Variants in SP140L observed in about 807,000 individuals in gnomAD.
SP140L encodes the protein SP140 like nuclear body protein, also known as nuclear body protein SP140-like protein.
A neutral mutation model predicts 84.3 loss-of-function variants in SP140L; 64 were observed. The observed-to-expected ratio is 0.76, with a 90% CI of 0.62 to 0.94. SP140L has a LOEUF of 0.94. Among genes scored for constraint, SP140L ranks in the 40% least tolerant of loss-of-function variants. SP140L has a pLI of 0.00. For missense variants in SP140L, 628 were observed against 692.5 expected, an observed-to-expected ratio of 0.91 and a Z score of 1.05; for synonymous variants, 242 against 236.9, an observed-to-expected ratio of 1.02 and a Z score of -0.20.
At position 230,384,780 on chromosome 2, in the gene SP140L, C is replaced by T. The variant is rs182709113; in HGVS notation, c.704-444C>T. Among the ~76,000 whole-genome samples the T allele has an allele frequency of 2.6e-4, 39 of 152,100 alleles. No individual in the cohort carries two copies. In the East Asian group the frequency reaches 6.6e-3, roughly 26 times the overall value. ...TACAAAATTTCGCTGGATGTGGTGG[C>T]GGGCGCCTATAATCCCAGCTACTCG... On this transcript the variant is annotated intron_variant, in intron 8 of 18. Coordinates refer to ENST00000415673, the MANE Select transcript of SP140L (RefSeq NM_138402.6).
intron 12 of SP140L, 141 bp from the exon 13 acceptor site, chr2:230,393,273 G>T: frequency 1.2e-6 from 1 of 845,676 alleles, no homozygotes; most frequent in Admixed American, 3.5e-5. Flanking sequence ...AAGACAGGGA[G>T]ATGGTTTCTC....
At chr2:230,380,736 G>T (rs574968883) in intron 7 of SP140L, among the ~76,000 whole-genome samples, 1 of 151,982 alleles carries the variant, frequency 6.6e-6, no homozygotes, top group Non-Finnish European at 1.5e-5. Flanking sequence ...GTTTTACAGC[G>T]TGTTCTCTTT....
At position 230,383,592 on chromosome 2, in the gene SP140L, A is replaced by C. The variant is rs767539901; in HGVS notation, c.703+17A>C. On this transcript the variant is annotated intron_variant, in intron 8 of 18. Coordinates refer to ENST00000415673, the MANE Select transcript of SP140L (RefSeq NM_138402.6). ...AACAAAATGGTAAGCAGGCAAAGTG[A>C]AGTAGTTACAGCTTTTGAGTTTATT... The C allele has an allele frequency of 1.9e-5, 31 of 1,593,066 alleles. No individual in the cohort carries two copies. The Admixed American group carries it at 2.6e-4, about 13-fold the overall frequency.
At chr2:230,329,418 C>T (rs2059666371) in intron 2 of SP140L, among the ~76,000 whole-genome samples, 1 of 152,192 alleles carries the variant, frequency 6.6e-6, no homozygotes, top group African/African-American at 2.4e-5. Context: ...AACTTTTCCT[C>T]CATGACAATT....
chr2:230,369,916 G>T (rs1346018294), intron 5 of SP140L, among the ~76,000 whole-genome samples: 1 of 149,424 alleles, frequency 6.7e-6, no homozygotes, highest in Non-Finnish European at 1.5e-5. Flanking sequence ...TGGGATTACA[G>T]GCGCACGCCA....
chr2:230,374,838 T>C (rs2061192718), intron 7 of SP140L, among the ~76,000 whole-genome samples: 1 of 152,230 alleles, frequency 6.6e-6, no homozygotes, highest in African/African-American at 2.4e-5. Context: ...GAATACTTAA[T>C]AGACTACAGT....
intron 2 of SP140L, among the ~76,000 whole-genome samples, chr2:230,342,868 G>A (rs573879422): frequency 2.0e-4 from 31 of 151,954 alleles, no homozygotes; most frequent in African/African-American, 6.5e-4. Context: ...CTTTTCTACT[G>A]TTTTCCTATT....
At chr2:230,366,710 CTATTATTATT>C (rs1263302129) in intron 5 of SP140L, among the ~76,000 whole-genome samples, 15 of 144,582 alleles carry the variant, frequency 1.0e-4, no homozygotes, top group African/African-American at 1.3e-4. Context: ...GGATTATTAT[CTATTATTATT>C]ATTATTATTA....
chr2:230,402,060 T>C (rs2062367246), intron 18 of SP140L, among the ~76,000 whole-genome samples: 1 of 152,204 alleles, frequency 6.6e-6, no homozygotes, highest in African/African-American at 2.4e-5. Flanking sequence ...AGACAGGAGC[T>C]CAGAGAGAGC....
intron 14 of SP140L, among the ~76,000 whole-genome samples, chr2:230,399,463 A>G (rs762367780): frequency 3.6e-4 from 55 of 152,270 alleles, no homozygotes; most frequent in Non-Finnish European, 1.8e-4. Flanking sequence ...GTCATTAGAG[A>G]TGACACCTTT....
Position 230,402,789 on chromosome 2 carries a change from T to G in SP140L, c.1645-9T>G. The G allele has an allele frequency of 6.2e-7, 1 of 1,608,662 alleles. No individual in the cohort carries two copies. The highest frequency in any genetic ancestry group is 1.3e-5 in the African/African-American group (1 of 74,888). ...GAACATCGTTTTTGTCTTTATTACT[T>G]TTTTCCAGTATAAGGATTTTGGCCA... On this transcript the variant is annotated splice_polypyrimidine_tract_variant and intron_variant, in intron 18 of 18. Coordinates refer to ENST00000415673, the MANE Select transcript of SP140L (RefSeq NM_138402.6).
chr2:230,380,457 C>T (rs1245648173), intron 7 of SP140L, among the ~76,000 whole-genome samples: 1 of 152,196 alleles, frequency 6.6e-6, no homozygotes, highest in East Asian at 1.9e-4. Context: ...ACCCTTCCCC[C>T]TCAAATACTT....
intron 5 of SP140L, among the ~76,000 whole-genome samples, chr2:230,369,420 C>T (rs1482073480): frequency 8.5e-5 from 13 of 152,196 alleles, no homozygotes; most frequent in African/African-American, 2.9e-4. Context: ...AAGGGCTGGC[C>T]TGGAGCCTGG....
chr2:230,402,887 G>C lies in SP140L; in HGVS notation c.1734G>C (p.Gly578=). ...KEVFAIQETN[G]NS ...TGTTTGCTATTCAGGAAACAAATGG[G>C]AACAGTTGACTGGTTTAGTGGATGC... is the stretch of plus-strand genomic sequence containing the variant. The change falls in exon 19 of 19, where the codon GGG becomes GGC. Residue 578 remains glycine (G), a synonymous_variant. Transcript: ENST00000415673. 1.9e-6 allele frequency: 3 copies of C among 1,611,786 alleles called. No individual in the cohort carries two copies. Among genetic ancestry groups the C allele is most frequent in the Non-Finnish European group, 2.5e-6 (3 of 1,179,262 alleles).
rs181297172 is a variant in SP140L at position 230,346,401 on chromosome 2, A to G, written c.108-11404A>G. 3.3e-5 allele frequency among the ~76,000 whole-genome samples: 5 copies of G among 152,340 alleles called. No individual in the cohort carries two copies. In the East Asian group the frequency reaches 9.6e-4, roughly 29 times the overall value. The stretch of plus-strand genomic sequence containing the variant: ...CCTGTTTGGGGAACTTTGGGCCTCA[A>G]GAACATAAATGTCCATTTCTCTCCC... On this transcript the variant is annotated intron_variant, in intron 2 of 18. Transcript: ENST00000415673.
chr2:230,398,446 TCAGA>T (rs1408442069), intron 14 of SP140L, among the ~76,000 whole-genome samples: 1 of 152,242 alleles, frequency 6.6e-6, no homozygotes, highest in African/African-American at 2.4e-5. Flanking sequence ...CACCTCCAAC[TCAGA>T]CAGAACAGCG....
At chr2:230,390,859 C>G (rs2061772606) in intron 11 of SP140L, among the ~76,000 whole-genome samples, 1 of 152,224 alleles carries the variant, frequency 6.6e-6, no homozygotes, top group Middle Eastern at 3.4e-3. Context: ...AAAGAAAACC[C>G]CATGTCAATT....
At chr2:230,363,526 T>TG (rs1000828577) in intron 5 of SP140L, among the ~76,000 whole-genome samples, 100 of 151,892 alleles carry the variant, frequency 6.6e-4, no homozygotes, top group African/African-American at 2.1e-3. Flanking sequence ...TTTTTGTTTT[T>TG]TTTTTTAGTA....
rs1559424600 is a variant in SP140L, at chr2:230,358,952, A to G, written c.271-12A>G. On this transcript the variant is annotated splice_polypyrimidine_tract_variant and intron_variant, in intron 3 of 18. Transcript: ENST00000415673. ...TCTGTATTTGTATTTTCTCCATTCA[A>G]TATTTTTAAAGGATTCTGAAGATTC... The G allele has an allele frequency of 1.3e-6, 2 of 1,560,150 alleles. No homozygotes were observed. The highest frequency in any genetic ancestry group is 2.3e-5 in the East Asian group (1 of 43,940).
Sources: gnomAD v4.1 joint callset for allele counts (sites outside exome capture counted in the v4.1 genomes callset) on GRCh38, gnomAD v4.1.1 for gene constraint, MANE v1.5 for transcripts, NCBI Gene and HGNC (gene_info 2026-07-23, HGNC 2026-07-21) for gene names.